Variants in KAZN observed in about 807,000 individuals in gnomAD.
The protein encoded by KAZN is kazrin.
A neutral mutation model predicts 87.4 loss-of-function variants in KAZN; 40 were observed. The ratio of observed to expected loss-of-function variants is 0.46; its 90% CI spans 0.36 to 0.60. KAZN has a LOEUF of 0.60. Ranked by LOEUF, KAZN falls within the 20% of genes least tolerant of loss-of-function variation. KAZN has a pLI of 0.00. For synonymous variants in KAZN, 466 were observed against 458.3 expected, an observed-to-expected ratio of 1.02 and a Z score of -0.22; for missense variants, 898 against 1,073.9, an observed-to-expected ratio of 0.84 and a Z score of 2.29.
At chr1:14,356,485 C>CA (rs1659039616) in intron 2 of KAZN, among the ~76,000 whole-genome samples, 1 of 152,128 alleles carries the variant, frequency 6.6e-6, no homozygotes, top group Middle Eastern at 3.2e-3. Flanking sequence ...GTGTTTTAGT[C>CA]ATGAAGTTTT....
rs142582647 is a variant in KAZN, at chr1:14,658,408, T to C, written c.226+59185T>C. ...CTGTTTCACCAACTCTGAGCCTCAG[T>C]TCCTCTATCTGTGAATGGGAGTAAA... On this transcript the variant is annotated intron_variant, in intron 1 of 14. Coordinates refer to ENST00000376030, the MANE Select transcript of KAZN (RefSeq NM_201628.3). Among the ~76,000 whole-genome samples the C allele has an allele frequency of 3.8e-3, 573 of 152,266 alleles. 13 individuals carry two copies. In the East Asian group the frequency reaches 0.042, roughly 11 times the overall value.
intron 1 of KAZN, among the ~76,000 whole-genome samples, chr1:14,640,024 A>ATGG (rs1680302187): frequency 6.6e-6 from 1 of 152,174 alleles, no homozygotes; most frequent in African/African-American, 2.4e-5. Flanking sequence ...AGGGAGGACC[A>ATGG]TGGGCACAGC....
chr1:13,927,745 A>C (rs1042143860), intron 1 of KAZN, among the ~76,000 whole-genome samples: 2 of 152,310 alleles, frequency 1.3e-5, no homozygotes, highest in South Asian at 4.1e-4. Flanking sequence ...CCATATTCTG[A>C]TATTTAGAAG....
intron 2 of KAZN, among the ~76,000 whole-genome samples, chr1:14,478,691 C>T (rs1668907641): frequency 6.6e-6 from 1 of 152,202 alleles, no homozygotes; most frequent in African/African-American, 2.4e-5. Flanking sequence ...GGCTTCATCC[C>T]TACCTCGTGC....
chr1:14,078,819 G>A (rs1643561944), intron 1 of KAZN, among the ~76,000 whole-genome samples: 1 of 152,066 alleles, frequency 6.6e-6, no homozygotes, highest in South Asian at 2.1e-4. Context: ...CTGGTAGCTG[G>A]GATTACAGGC....
At chr1:14,347,598 C>T (rs1248983393) in intron 2 of KAZN, among the ~76,000 whole-genome samples, 1 of 152,164 alleles carries the variant, frequency 6.6e-6, no homozygotes, top group Non-Finnish European at 1.5e-5. Context: ...AACCACAGAA[C>T]CCTGGCTGCT....
At chr1:15,083,783 G>C (rs1640121353) in intron 8 of KAZN, among the ~76,000 whole-genome samples, 1 of 152,184 alleles carries the variant, frequency 6.6e-6, no homozygotes. Context: ...GCCTGTGAGA[G>C]TATCTTCCCA....
At chr1:13,939,431 A>G (rs780089297) in intron 1 of KAZN, among the ~76,000 whole-genome samples, 4 of 152,214 alleles carry the variant, frequency 2.6e-5, no homozygotes, top group Non-Finnish European at 5.9e-5. Context: ...CAAGTTCCCA[A>G]TAAGTTCTTC....
At chr1:14,947,406 T>TC (rs1402576597) in intron 1 of KAZN, among the ~76,000 whole-genome samples, 1 of 152,080 alleles carries the variant, frequency 6.6e-6, no homozygotes, top group Non-Finnish European at 1.5e-5. Flanking sequence ...AGCCTGGCCT[T>TC]GGGGAGGGGA....
At chr1:14,878,250 ACAGGG>A (rs1161250842) in intron 1 of KAZN, among the ~76,000 whole-genome samples, 1 of 152,146 alleles carries the variant, frequency 6.6e-6, no homozygotes, top group Non-Finnish European at 1.5e-5. Context: ...TAGGACCAGA[ACAGGG>A]CTTCTCAACT....
chr1:14,070,167 C>CAAAAAAAAAAAAAAAAAAAAAAA (rs61327562), intron 1 of KAZN, among the ~76,000 whole-genome samples: 11 of 72,770 alleles, frequency 1.5e-4, no homozygotes, highest in East Asian at 5.0e-4. Flanking sequence ...GACTCCATCT[C>CAAAAAAAAAAAAAAAAAAAAAAA]AAAAAAAAAA....
chr1:14,393,842 C>CAA (rs35205129), intron 2 of KAZN, among the ~76,000 whole-genome samples: 2,610 of 86,894 alleles, frequency 0.03, 60 homozygotes, highest in Non-Finnish European at 0.04. Flanking sequence ...GACCCAATCT[C>CAA]AAAAAAAAAA....
chr1:14,004,555 G>T (rs1056096044), intron 1 of KAZN, among the ~76,000 whole-genome samples: 2 of 152,196 alleles, frequency 1.3e-5, no homozygotes, highest in African/African-American at 4.8e-5. Context: ...CAGCAATGGG[G>T]TGCTTAGTGA....
chr1:14,988,541 G>A (rs531191556), intron 2 of KAZN, among the ~76,000 whole-genome samples: 66 of 152,314 alleles, frequency 4.3e-4, no homozygotes, highest in Non-Finnish European at 7.5e-4. Context: ...TGCTTTTCTC[G>A]GCTCTAATTT....
At chr1:14,321,703 C>A (rs1257667857) in intron 2 of KAZN, among the ~76,000 whole-genome samples, 4 of 152,140 alleles carry the variant, frequency 2.6e-5, no homozygotes, top group Non-Finnish European at 5.9e-5. Flanking sequence ...TCAGAACCTG[C>A]CAGGAATTTC....
Position 15,096,459 on chromosome 1 carries a change from C to T in KAZN, c.1547+1526C>T, listed in dbSNP as rs1421283764. Among the ~76,000 whole-genome samples, 1 of 152,228 alleles carries T rather than the reference C, an allele frequency of 6.6e-6. No individual in the cohort carries two copies. Among genetic ancestry groups the T allele is most frequent in the South Asian group, 2.1e-4 (1 of 4,834 alleles). ...CTGCCTCCCAGGGGTGCGGCCTGCC[C>T]AGCCCCTGCCCCCGACAGCCTCGTC... On this transcript the variant is annotated intron_variant, in intron 10 of 14. Transcript: ENST00000376030. This position sits in a 1 kb window ranked among gnomAD's most constrained non-coding sequence, Gnocchi z 4.5.
intron 2 of KAZN, among the ~76,000 whole-genome samples, chr1:14,578,054 A>C (rs1675301195): frequency 6.6e-6 from 1 of 152,084 alleles, no homozygotes; most frequent in Non-Finnish European, 1.5e-5. Flanking sequence ...GAGGATAATA[A>C]GTGCATCTAC....
intron 1 of KAZN, among the ~76,000 whole-genome samples, chr1:13,974,265 C>G (rs58104985): frequency 0.052 from 7,855 of 152,272 alleles, 655 homozygotes; most frequent in African/African-American, 0.18. Context: ...CCACATTGTA[C>G]AAACAATCTA....
intron 1 of KAZN, among the ~76,000 whole-genome samples, chr1:14,605,241 T>G (rs1031814975): frequency 9.9e-5 from 15 of 152,202 alleles, no homozygotes; most frequent in Non-Finnish European, 1.5e-5. Flanking sequence ...CTGGTTTCAT[T>G]GCTTTGGTCA....
Sources: allele counts gnomAD v4.1 joint callset (sites outside exome capture counted in the v4.1 genomes callset), GRCh38; gene constraint gnomAD v4.1.1; non-coding constraint Gnocchi (gnomAD v3.1); transcripts MANE v1.5; gene names NCBI Gene and HGNC (gene_info 2026-07-23, HGNC 2026-07-21).